The following BTN1A1 variants were observed in gnomAD, a reference collection of about 807,000 sequenced individuals.
BTN1A1 encodes the protein butyrophilin subfamily 1 member A1, also known as bK14H9.2 (butyrophilin, subfamily 1, member A1).
In BTN1A1, 26 loss-of-function variants were observed where a neutral mutation model predicts 33.1. That is an observed-to-expected ratio of 0.79 (90% CI 0.58 to 1.09). The LOEUF is 1.09. BTN1A1 is among the 50% of genes least tolerant of loss of function. The pLI is 0.00. For missense variants in BTN1A1, 558 were observed against 655.7 expected (o/e 0.85, Z 1.63); for synonymous variants, 235 against 256.2 (o/e 0.92, Z 0.79).
Position 26,501,542 on chromosome 6 carries a change from G to C in BTN1A1, c.80-48G>C, listed in dbSNP as rs767857690. The stretch of plus-strand genomic sequence containing the variant: ...GCGGGAATCTGGTCGGTGTCTGTCC[G>C]TAGTTCCCATCTCCACATCCCGTCT... On this transcript the variant is annotated intron_variant, in intron 2 of 7. Coordinates refer to ENST00000684113, the MANE Select transcript of BTN1A1 (RefSeq NM_001732.3). The surrounding 1 kb of genome is among the most constrained non-coding windows in gnomAD (Gnocchi z 5.2). 1 of 1,604,116 alleles carries C rather than the reference G, an allele frequency of 6.2e-7. No individual in the cohort carries two copies. The highest frequency in any genetic ancestry group is 1.1e-5 in the South Asian group (1 of 90,426).
rs908946011 is a variant in BTN1A1, at chr6:26,509,296, T to C, written c.*122T>C. 2.2e-6 allele frequency: 2 copies of C among 924,628 alleles called. No homozygotes were observed. Among genetic ancestry groups the C allele is most frequent in the Non-Finnish European group, 1.6e-6 (1 of 617,088 alleles). The allele number at this position is 924,628 out of a possible 1,614,324, so 57.3% of individuals were successfully genotyped here. On this transcript the variant is annotated 3_prime_UTR_variant, in exon 8 of 8. Transcript: ENST00000684113. ...CTGTTGGGTGGCAATTAATTAATCC[T>C]GTGAAGGTTACATTGCTGCTGCTAG...
chr6:26,504,946 T>C lies in BTN1A1; in HGVS notation c.449T>C (p.Ile150Thr). 1.9e-6 allele frequency: 3 copies of C among 1,614,090 alleles called. No individual in the cohort carries two copies. The highest frequency in any genetic ancestry group is 2.5e-6 in the Non-Finnish European group (3 of 1,180,016). The change falls in exon 4 of 8, where the codon ATC becomes ACC. Residue 150 changes from isoleucine (I) to threonine (T), a missense_variant. Transcript: ENST00000684113. The part of the protein sequence containing the change: ...KVAALGSDPH[I>T]SMQVQENGEI... The stretch of plus-strand genomic sequence containing the variant: ...ATAGCTCTGGGCTCTGACCCTCACA[T>C]CAGTATGCAAGTTCAAGAGAATGGA...
At position 26,504,978 on chromosome 6, in the gene BTN1A1, T is replaced by C. The variant is rs768140010; in HGVS notation, c.481T>C (p.Cys161Arg). Reference sequence around the variant, plus strand: ...GCAAGTTCAAGAGAATGGAGAAATCTGTCTGGAGTGCACCTCAGTGGGATG... The same window carrying C: ...GCAAGTTCAAGAGAATGGAGAAATCCGTCTGGAGTGCACCTCAGTGGGATG... ...SMQVQENGEI[C>R]LECTSVGWYP... The change falls in exon 4 of 8, where the codon TGT becomes CGT. Residue 161 changes from cysteine (C) to arginine (R), a missense_variant. Transcript: ENST00000684113. The C allele has an allele frequency of 1.5e-5, 25 of 1,614,036 alleles. No homozygotes were observed. The South Asian group carries it at 2.5e-4, about 16-fold the overall frequency.
At chr6:26,500,718 C>A (rs990764506) in intron 1 of BTN1A1, among the ~76,000 whole-genome samples, 1 of 152,096 alleles carries the variant, frequency 6.6e-6, no homozygotes, top group African/African-American at 2.4e-5. Context: ...AGTTCGAGGC[C>A]AGCCTGGCCA....
At chr6:26,503,436 C>T (rs776412375) in intron 3 of BTN1A1, among the ~76,000 whole-genome samples, 12 of 151,608 alleles carry the variant, frequency 7.9e-5, no homozygotes, top group Non-Finnish European at 1.6e-4. Context: ...CTACTGCACT[C>T]CAGCCTGGGC....
chr6:26,507,870 G>A, intron 5 of BTN1A1, 80 bp from the exon 6 acceptor site: 1 of 1,393,620 alleles, frequency 7.2e-7, no homozygotes, highest in Non-Finnish European at 1.0e-6. Context: ...TTCCTCCTTT[G>A]TGTGTTTCCC....
Position 26,508,697 on chromosome 6 carries a change from T to G in BTN1A1, c.1104T>G (p.Thr368=). The change falls in exon 8 of 8, where the codon ACT becomes ACG. Residue 368 remains threonine, a synonymous_variant. Coordinates refer to ENST00000684113, the MANE Select transcript of BTN1A1 (RefSeq NM_001732.3). ...HYWEVEVGDR[T]DWAIGVCREN... ...GGGAGGTGGAGGTGGGAGACAGGAC[T>G]GACTGGGCAATCGGCGTGTGTAGGG... The G allele has an allele frequency of 6.2e-7, 1 of 1,614,158 alleles. No homozygotes were observed. The highest frequency in any genetic ancestry group is 8.5e-7 in the Non-Finnish European group (1 of 1,180,026).
At position 26,507,960 on chromosome 6, in the gene BTN1A1, G is replaced by A. The variant is rs1439385451; in HGVS notation, c.870G>A (p.Leu290=). 6.2e-7 allele frequency: 1 copy of A among 1,613,936 alleles called. No homozygotes were observed. Among genetic ancestry groups the A allele is most frequent in the African/African-American group, 1.3e-5 (1 of 74,882 alleles). ...TTGTTTGTTTTCCAGAGAGACTCCT[G>A]GAAGAACTCAGTAAGTTCTGTCTTC... The part of the protein sequence containing the change: ...RNEFSSKERL[L]EELKWKKATL... Residue 290 remains leucine, a synonymous_variant, in exon 6 of 8, where the codon CTG becomes CTA. Coordinates refer to ENST00000684113, the MANE Select transcript of BTN1A1 (RefSeq NM_001732.3).
rs1349879901 is a variant in BTN1A1, at chr6:26,501,935, C to T, written c.425C>T (p.Ala142Val). Residue 142 changes from alanine to valine, a missense_variant and splice_region_variant, in exon 3 of 8, where the codon GCT becomes GTT. Physicochemically the swap from Ala to Val is moderately conservative, Grantham distance 64. Transcript: ENST00000684113. This position sits in a 1 kb window ranked among gnomAD's most constrained non-coding sequence, Gnocchi z 5.2. ...GAAGCCCTGGTGCATCTGAAGGTGG[C>T]TGGTGAGTAGACGGGTTTTGACTTT... ...YEEALVHLKV[A>V]ALGSDPHISM... 1 of 1,559,368 alleles carries T rather than the reference C, an allele frequency of 6.4e-7. No homozygotes were observed.
intron 3 of BTN1A1, among the ~76,000 whole-genome samples, chr6:26,504,131 G>A (rs1221756385): frequency 6.6e-6 from 1 of 151,882 alleles, no homozygotes; most frequent in Non-Finnish European, 1.5e-5. Context: ...ATGAAGTTGA[G>A]ACCATTTAAG....
chr6:26,506,677 T>A lies in BTN1A1; in HGVS notation c.710-6T>A, dbSNP rs759661951. On this transcript the variant is annotated splice_region_variant and splice_polypyrimidine_tract_variant and intron_variant, in intron 4 of 7. Transcript: ENST00000684113. ...ACTAATGTCCTTCTTGGGGATTTTG[T>A]TTTAGCTTCCTCCCTCCCAAGGCTG... 6.8e-6 allele frequency: 11 copies of A among 1,613,088 alleles called. No homozygotes were observed. Among genetic ancestry groups the A allele is most frequent in the Non-Finnish European group, 9.3e-6 (11 of 1,179,780 alleles).
In BTN1A1 at chr6:26,501,957, C is replaced by T. The variant is rs746305942; in HGVS notation, c.427+20C>T. The T allele has an allele frequency of 7.2e-6, 11 of 1,534,404 alleles. No homozygotes were observed. Among genetic ancestry groups the T allele is most frequent in the African/African-American group, 1.4e-5 (1 of 72,532 alleles). ...TGGCTGGTGAGTAGACGGGTTTTGA[C>T]TTTCTCCGACGACTCCCCTGCTGTA... is the stretch of plus-strand genomic sequence containing the variant. On this transcript the variant is annotated intron_variant, in intron 3 of 7. Coordinates refer to ENST00000684113, the MANE Select transcript of BTN1A1 (RefSeq NM_001732.3). This position sits in a 1 kb window ranked among gnomAD's most constrained non-coding sequence, Gnocchi z 5.2.
chr6:26,507,449 G>A (rs1374986305), intron 5 of BTN1A1, among the ~76,000 whole-genome samples: 1 of 152,102 alleles, frequency 6.6e-6, no homozygotes, highest in East Asian at 1.9e-4. Context: ...GAGGCCGGGC[G>A]CAGTGGCTCA....
Position 26,501,358 on chromosome 6 carries a change from G to T in BTN1A1, c.72G>T (p.Leu24=). 1 of 1,613,432 alleles carries T rather than the reference G, an allele frequency of 6.2e-7. No homozygotes were observed. Reference sequence around the variant, plus strand: ...TCATTCTCCTCCAGCTGCCCAAACTGGATTCAGGTAAGTCTCTCTCTCTCT... The same window carrying T: ...TCATTCTCCTCCAGCTGCCCAAACTTGATTCAGGTAAGTCTCTCTCTCTCT... ...LTLILLQLPK[L]DSAPFDVIGP... is the part of the protein sequence containing the mutation. The change falls in exon 2 of 8, where the codon CTG becomes CTT. Residue 24 remains leucine, a synonymous_variant. Transcript: ENST00000684113. This position sits in a 1 kb window ranked among gnomAD's most constrained non-coding sequence, Gnocchi z 5.2.
In BTN1A1 at chr6:26,504,970, G is replaced by A. The variant is rs1310079675; in HGVS notation, c.473G>A (p.Gly158Glu). 3 of 1,614,024 alleles carry A rather than the reference G, an allele frequency of 1.9e-6. No individual in the cohort carries two copies. Among genetic ancestry groups the A allele is most frequent in the Non-Finnish European group, 2.5e-6 (3 of 1,180,020 alleles). ...PHISMQVQEN[G>E]EICLECTSVG... ...ATCAGTATGCAAGTTCAAGAGAATG[G>A]AGAAATCTGTCTGGAGTGCACCTCA... Residue 158 changes from glycine (G) to glutamate (E), a missense_variant, in exon 4 of 8, where the codon GGA (glycine) becomes GAA (glutamate). Physicochemically the swap from Gly to Glu is moderately conservative, Grantham distance 98 (BLOSUM62 -2). Transcript: ENST00000684113.
chr6:26,505,112 AG>A lies in BTN1A1; in HGVS notation c.616del (p.Val206Ter). 6.2e-7 allele frequency: 1 copy of A among 1,614,216 alleles called. No individual in the cohort carries two copies. Among genetic ancestry groups the A allele is most frequent in the Non-Finnish European group, 8.5e-7 (1 of 1,180,014 alleles). ...AAGGTTTGTTCACTGTGGCTGCTTCAGTGATCATCAGAGACACTTCTGCGAA... is the reference window on the plus strand; with the variant it reads ...AAGGTTTGTTCACTGTGGCTGCTTCATGATCATCAGAGACACTTCTGCGAA... ...EEGLFTVAAS[V>X]IIRDTSAKNV... On this transcript the variant is annotated frameshift_variant, in exon 4 of 8. Transcript: ENST00000684113. LOFTEE classifies it high-confidence loss of function.
At position 26,505,184 on chromosome 6, in the gene BTN1A1, G is replaced by A. The variant is rs201998297; in HGVS notation, c.687G>A (p.Lys229=). 4 of 1,613,730 alleles carry A rather than the reference G, an allele frequency of 2.5e-6. No homozygotes were observed. In the African/African-American group the frequency reaches 4.0e-5, roughly 16 times the overall value. ...AGAATCTCCTTCTTGGCCAGGAGAA[G>A]AAAGTAGAAATATCCATACCAGGTT... is the stretch of plus-strand genomic sequence containing the variant. ...YIQNLLLGQE[K]KVEISIPASS... Residue 229 remains lysine, a synonymous_variant, in exon 4 of 8, where the codon AAG becomes AAA. Coordinates refer to ENST00000684113, the MANE Select transcript of BTN1A1 (RefSeq NM_001732.3).
chr6:26,501,790 C>A lies in BTN1A1; in HGVS notation c.280C>A (p.Arg94=). 6.2e-7 allele frequency: 1 copy of A among 1,613,578 alleles called. No individual in the cohort carries two copies. The highest frequency in any genetic ancestry group is 8.5e-7 in the Non-Finnish European group (1 of 1,179,908). Residue 94 remains arginine (R), a synonymous_variant, in exon 3 of 8, where the codon CGG becomes AGG. Coordinates refer to ENST00000684113, the MANE Select transcript of BTN1A1 (RefSeq NM_001732.3). The surrounding 1 kb of genome is among the most constrained non-coding windows in gnomAD (Gnocchi z 5.2). ...CGAGCAGATGCCCGAGTACCGCGGG[C>A]GGGCGACGCTGGTCCAGGACGGCAT... The part of the protein sequence containing the change: ...EAEQMPEYRG[R]ATLVQDGIAK...
At position 26,501,809 on chromosome 6, in the gene BTN1A1, A is replaced by G. The variant is rs1408624107; in HGVS notation, c.299A>G (p.Asp100Gly). 2 of 1,613,204 alleles carry G rather than the reference A, an allele frequency of 1.2e-6. No individual in the cohort carries two copies. Among genetic ancestry groups the G allele is most frequent in the Admixed American group, 3.3e-5 (2 of 59,990 alleles). ...EYRGRATLVQ[D>G]GIAKGRVALR... Reference sequence around the variant, plus strand: ...CGCGGGCGGGCGACGCTGGTCCAGGACGGCATCGCCAAGGGGCGCGTGGCC... The same window carrying G: ...CGCGGGCGGGCGACGCTGGTCCAGGGCGGCATCGCCAAGGGGCGCGTGGCC... The change falls in exon 3 of 8, where the codon GAC (aspartate) becomes GGC (glycine). Residue 100 changes from aspartate to glycine, a missense_variant. By Grantham distance (94) the Asp-to-Gly change is moderately conservative (BLOSUM62 -1). Coordinates refer to ENST00000684113, the MANE Select transcript of BTN1A1 (RefSeq NM_001732.3). The surrounding 1 kb of genome is among the most constrained non-coding windows in gnomAD (Gnocchi z 5.2).
Sources: allele counts gnomAD v4.1 joint callset (sites outside exome capture counted in the v4.1 genomes callset), GRCh38; gene constraint gnomAD v4.1.1; non-coding constraint Gnocchi (gnomAD v3.1); transcripts MANE v1.5; gene names NCBI Gene and HGNC (gene_info 2026-07-23, HGNC 2026-07-21).